Variants in ATF2 observed in about 807,000 individuals in gnomAD.
ATF2 encodes the protein cyclic AMP-dependent transcription factor ATF-2.
Under a neutral mutation model 60.6 loss-of-function variants are expected in ATF2, and 24 were observed. That is an observed-to-expected ratio of 0.40 (90% CI 0.29 to 0.56). The LOEUF (loss-of-function observed/expected upper bound fraction) is 0.56, where lower values mean the gene tolerates loss of function less well. Among genes scored for constraint, ATF2 ranks in the 20% least tolerant of loss-of-function variants. The pLI, the probability that ATF2 is intolerant of heterozygous loss-of-function variation, is 0.54. For synonymous variants in ATF2, 206 were observed against 215.4 expected, an observed-to-expected ratio of 0.96 and a Z score of 0.38; for missense variants, 433 against 607.7, an observed-to-expected ratio of 0.71 and a Z score of 3.02.
At chr2:175,141,408 T>C (rs547815380) in intron 2 of ATF2, among the ~76,000 whole-genome samples, 1 of 152,222 alleles carries the variant, frequency 6.6e-6, no homozygotes, top group South Asian at 2.1e-4. Context: ...AAATACAACA[T>C]GAAGCTTTAT....
Position 175,161,548 on chromosome 2 carries a change from A to C in ATF2, c.-143+6502T>G, listed in dbSNP as rs560604545. Among the ~76,000 whole-genome samples, 10 of 152,310 alleles carry C rather than the reference A, an allele frequency of 6.6e-5. No individual in the cohort carries two copies. In the East Asian group the frequency reaches 1.7e-3, roughly 26 times the overall value. Reference sequence around the variant, plus strand: ...CACAGTAAGTGGTAGACCCCTGATAATCTGGCTTCTAATAACTATCCTAAA... The same window carrying C: ...CACAGTAAGTGGTAGACCCCTGATACTCTGGCTTCTAATAACTATCCTAAA... On this transcript the variant is annotated intron_variant, in intron 1 of 13. Coordinates refer to ENST00000264110, the MANE Select transcript of ATF2 (RefSeq NM_001880.4).
intron 4 of ATF2, among the ~76,000 whole-genome samples, chr2:175,123,606 C>T (rs758670440): frequency 1.3e-5 from 2 of 151,942 alleles, no homozygotes; most frequent in African/African-American, 4.8e-5. Context: ...ACAAAACATA[C>T]GAAATGGCAC....
chr2:175,110,909 G>A (rs1405483235), intron 10 of ATF2, among the ~76,000 whole-genome samples: 1 of 152,060 alleles, frequency 6.6e-6, no homozygotes, highest in Non-Finnish European at 1.5e-5. Flanking sequence ...GCCCGGCCCT[G>A]ATTTTCTTTA....
chr2:175,120,906 T>A (rs1696913606), intron 5 of ATF2, among the ~76,000 whole-genome samples: 2 of 151,752 alleles, frequency 1.3e-5, no homozygotes, highest in African/African-American at 4.8e-5. Flanking sequence ...TCTGCTTAGG[T>A]GATACTGTAC....
At chr2:175,110,760 C>T (rs1236481187) in intron 10 of ATF2, among the ~76,000 whole-genome samples, 2 of 152,234 alleles carry the variant, frequency 1.3e-5, no homozygotes, top group East Asian at 3.9e-4. Flanking sequence ...CATGCACCAC[C>T]ACGCTCGGCT....
At chr2:175,154,117 G>A (rs1033754976) in intron 1 of ATF2, among the ~76,000 whole-genome samples, 9 of 151,254 alleles carry the variant, frequency 6.0e-5, no homozygotes, top group Non-Finnish European at 2.9e-5. Context: ...AGGAGGCTGA[G>A]GCAGGAGAAT....
intron 5 of ATF2, among the ~76,000 whole-genome samples, chr2:175,120,112 T>C (rs915177520): frequency 4.0e-5 from 6 of 151,780 alleles, no homozygotes; most frequent in African/African-American, 1.4e-4. Flanking sequence ...GGAAAGTAAT[T>C]TCTAGAAACC....
chr2:175,079,324 T>G (rs1026609356), intron 13 of ATF2, among the ~76,000 whole-genome samples: 1 of 152,152 alleles, frequency 6.6e-6, no homozygotes, highest in Admixed American at 6.6e-5. Context: ...CCTTTTAAAC[T>G]ATGAAAATCC....
intron 5 of ATF2, among the ~76,000 whole-genome samples, chr2:175,119,410 A>G (rs1335173453): frequency 1.3e-5 from 2 of 151,580 alleles, no homozygotes. Flanking sequence ...TAAAATTTAC[A>G]TATTTGTTAA....
intron 12 of ATF2, chr2:175,092,254 A>G (rs1694603979): frequency 3.9e-5 from 6 of 152,718 alleles, no homozygotes; most frequent in Admixed American, 3.9e-4. Context: ...ATACAGAAAG[A>G]TTCACTTTTA....
intron 7 of ATF2, among the ~76,000 whole-genome samples, chr2:175,116,867 C>T (rs1696610065): frequency 6.6e-6 from 1 of 151,752 alleles, no homozygotes; most frequent in Non-Finnish European, 1.5e-5. Context: ...GTGGAAACAA[C>T]CTTTATGTCC....
At chr2:175,092,514 G>T (rs960977322) in intron 12 of ATF2, 2 of 338,660 alleles carry the variant, frequency 5.9e-6, no homozygotes, top group African/African-American at 2.3e-5. Flanking sequence ...AGTATGAAAT[G>T]ATCTGTACTG....
chr2:175,148,704 T>C (rs181087643), intron 2 of ATF2, among the ~76,000 whole-genome samples: 1 of 152,186 alleles, frequency 6.6e-6, no homozygotes. Context: ...GTCTATTCTC[T>C]TGCATGATAA....
At chr2:175,092,263 T>C (rs1462284131) in intron 12 of ATF2, 1 of 152,808 alleles carries the variant, frequency 6.5e-6, no homozygotes, top group Non-Finnish European at 1.5e-5. Context: ...GATTCACTTT[T>C]AACTGGGTAT....
intron 10 of ATF2, among the ~76,000 whole-genome samples, chr2:175,110,578 G>T (rs62184469): frequency 0.038 from 5,828 of 152,092 alleles, 133 homozygotes; most frequent in Admixed American, 0.094. Flanking sequence ...TTATAACACA[G>T]CAAGGAGAAT....
At chr2:175,151,672 A>C (rs544335547) in intron 1 of ATF2, among the ~76,000 whole-genome samples, 28 of 152,304 alleles carry the variant, frequency 1.8e-4, no homozygotes, top group African/African-American at 6.7e-4. Flanking sequence ...GCTGTTAATG[A>C]TAGAAAACTC....
chr2:175,124,006 G>A (rs1355749413), intron 4 of ATF2, among the ~76,000 whole-genome samples: 1 of 151,920 alleles, frequency 6.6e-6, no homozygotes, highest in East Asian at 1.9e-4. Flanking sequence ...TGAAAGAAAT[G>A]CATTCTTTAT....
intron 2 of ATF2, among the ~76,000 whole-genome samples, chr2:175,140,242 C>T (rs2105778900): frequency 6.6e-6 from 1 of 152,268 alleles, no homozygotes; most frequent in South Asian, 2.1e-4. Context: ...CAGACTGCAT[C>T]TTGGATTTGC....
chr2:175,160,892 G>A (rs1465475674), intron 1 of ATF2, among the ~76,000 whole-genome samples: 2 of 152,040 alleles, frequency 1.3e-5, no homozygotes, highest in Non-Finnish European at 2.9e-5. Context: ...TTAAAAACTA[G>A]CTGAGTGTGG....
Sources: allele counts gnomAD v4.1 joint callset (sites outside exome capture counted in the v4.1 genomes callset), GRCh38; gene constraint gnomAD v4.1.1; transcripts MANE v1.5; gene names NCBI Gene and HGNC (gene_info 2026-07-23, HGNC 2026-07-21).